Variants in PPP1R9A observed in about 807,000 individuals in gnomAD.
The protein encoded by PPP1R9A is neurabin-1.
In PPP1R9A, 59 loss-of-function variants were observed where a neutral mutation model predicts 141.9. That is an observed-to-expected ratio of 0.42 (90% CI 0.34 to 0.52). The LOEUF is 0.52. PPP1R9A is among the 20% of genes least tolerant of loss of function. The pLI, the probability that PPP1R9A is intolerant of heterozygous loss-of-function variation, is 0.10. For missense variants in PPP1R9A, 1,444 were observed against 1,611.9 expected, an observed-to-expected ratio of 0.90 and a Z score of 1.78; for synonymous variants, 500 against 569.7, an observed-to-expected ratio of 0.88 and a Z score of 1.74.
In PPP1R9A at chr7:95,269,143, G is replaced by T. The variant is rs1174739998; in HGVS notation, c.2824-64G>T. On this transcript the variant is annotated intron_variant, in intron 13 of 19. Coordinates refer to ENST00000433360, the MANE Select transcript of PPP1R9A (RefSeq NM_001166160.2). ...AATAAAAGGTTGGTCTTATTTCAAA[G>T]TAAGTATTGCATAGAACTGATACTC... The T allele has an allele frequency of 5.7e-6, 8 of 1,413,422 alleles. No individual in the cohort carries two copies. In the African/African-American group the frequency reaches 1.2e-4, roughly 21 times the overall value. The allele number at this position is 1,413,422 out of a possible 1,614,324, so 87.6% of individuals were successfully genotyped here. A position where few individuals can be genotyped will look rare whatever the true frequency, so the allele number is the denominator to read the frequency against.
At chr7:94,924,631 C>T (rs960965229) in intron 2 of PPP1R9A, among the ~76,000 whole-genome samples, 10 of 152,132 alleles carry the variant, frequency 6.6e-5, no homozygotes, top group African/African-American at 2.4e-4. Flanking sequence ...CGAGTTCAAG[C>T]GATTCTCCCA....
At chr7:94,994,881 A>T (rs115720223) in intron 2 of PPP1R9A, among the ~76,000 whole-genome samples, 1,669 of 147,424 alleles carry the variant, frequency 0.011, 33 homozygotes, top group African/African-American at 0.04. Flanking sequence ...ACCAAACGAG[A>T]CTCCGTCTCA....
At chr7:95,219,682 T>C (rs553147463) in intron 7 of PPP1R9A, among the ~76,000 whole-genome samples, 37 of 152,250 alleles carry the variant, frequency 2.4e-4, no homozygotes, top group African/African-American at 8.7e-4. Flanking sequence ...AAAATAAATA[T>C]ATATGCTGGG....
intron 7 of PPP1R9A, among the ~76,000 whole-genome samples, chr7:95,212,150 G>T (rs1792268989): frequency 6.6e-6 from 1 of 152,048 alleles, no homozygotes. Context: ...ATCAGAATCT[G>T]CAGTTTAATA....
Position 95,276,663 on chromosome 7 carries a change from A to T in PPP1R9A, c.3296+2495A>T, listed in dbSNP as rs187617602. Among the ~76,000 whole-genome samples the T allele has an allele frequency of 1.3e-3, 191 of 152,324 alleles. 1 individual carries two copies. The highest frequency in any genetic ancestry group is 2.5e-3 in the Non-Finnish European group (168 of 68,040). ...ATGGCCTCCCTCAAACCTTGTTATG[A>T]CATTGGCATACCCAAAAAAAATAAA... On this transcript the variant is annotated intron_variant, in intron 16 of 19. Transcript: ENST00000433360.
Position 95,039,902 on chromosome 7 carries a change from C to G in PPP1R9A, c.1396-71357C>G, listed in dbSNP as rs74775659. Among the ~76,000 whole-genome samples the G allele has an allele frequency of 3.8e-3, 579 of 152,212 alleles. 2 individuals are homozygous for G. Among genetic ancestry groups the G allele is most frequent in the Non-Finnish European group, 6.1e-3 (413 of 68,004 alleles). Reference sequence around the variant, plus strand: ...AATGACAGATAGAAACCCACAAACACAGGAAGCTCAGAGAATACCAGGTAG... The same window carrying G: ...AATGACAGATAGAAACCCACAAACAGAGGAAGCTCAGAGAATACCAGGTAG... On this transcript the variant is annotated intron_variant, in intron 2 of 19. Transcript: ENST00000433360.
chr7:95,032,881 T>C (rs1233686078), intron 2 of PPP1R9A, among the ~76,000 whole-genome samples: 1 of 152,184 alleles, frequency 6.6e-6, no homozygotes, highest in Non-Finnish European at 1.5e-5. Context: ...ACCTCAGAAG[T>C]CTCTAATTCT....
chr7:95,123,084 TTAG>T (rs751945541), intron 4 of PPP1R9A, among the ~76,000 whole-genome samples: 1 of 152,156 alleles, frequency 6.6e-6, no homozygotes, highest in Non-Finnish European at 1.5e-5. Flanking sequence ...AATTTTGCAT[TTAG>T]TAGTTAACCA....
chr7:95,256,769 C>T (rs892456783), intron 12 of PPP1R9A, among the ~76,000 whole-genome samples: 1 of 151,924 alleles, frequency 6.6e-6, no homozygotes, highest in Non-Finnish European at 1.5e-5. Context: ...TAAGAATTAA[C>T]AGGGTAGATG....
chr7:95,225,333 T>G (rs1181037723), intron 7 of PPP1R9A, among the ~76,000 whole-genome samples: 1 of 152,140 alleles, frequency 6.6e-6, no homozygotes, highest in Admixed American at 6.6e-5. Flanking sequence ...ATGTGAAACA[T>G]TTTTCTCACA....
At position 95,296,377 on chromosome 7, in the gene PPP1R9A, G is replaced by A. The variant is rs1431961316; in HGVS notation, c.*6074G>A. The A allele has an allele frequency of 1.3e-5, 2 of 152,504 alleles. No homozygotes were observed. Among genetic ancestry groups the A allele is most frequent in the African/African-American group, 4.8e-5 (2 of 41,418 alleles). The allele number at this position is 152,504 out of a possible 1,614,324, so 9.4% of individuals were successfully genotyped here. ...ATGAGTATTATTGTTGTTAGACAAC[G>A]AATGCAATAAAAAGAAATACTGAGG... On this transcript the variant is annotated 3_prime_UTR_variant, in exon 20 of 20. Coordinates refer to ENST00000433360, the MANE Select transcript of PPP1R9A (RefSeq NM_001166160.2).
At chr7:95,159,995 A>G (rs971834301) in intron 4 of PPP1R9A, among the ~76,000 whole-genome samples, 12 of 151,638 alleles carry the variant, frequency 7.9e-5, no homozygotes, top group Admixed American at 2.0e-4. Flanking sequence ...CTAGGATTTT[A>G]TAAAGGTGAG....
chr7:95,267,953 T>G (rs1412896738), intron 12 of PPP1R9A, among the ~76,000 whole-genome samples: 1 of 152,168 alleles, frequency 6.6e-6, no homozygotes, highest in East Asian at 1.9e-4. Flanking sequence ...CTATCGTCAA[T>G]TTGCTGATTA....
intron 2 of PPP1R9A, among the ~76,000 whole-genome samples, chr7:95,104,560 A>G (rs1819249107): frequency 6.6e-6 from 1 of 152,128 alleles, no homozygotes. Flanking sequence ...TTTGGAGACT[A>G]CCAGTGTTTA....
At chr7:95,080,636 A>G (rs184404019) in intron 2 of PPP1R9A, among the ~76,000 whole-genome samples, 41 of 152,340 alleles carry the variant, frequency 2.7e-4, no homozygotes, top group Non-Finnish European at 4.7e-4. Flanking sequence ...CGCCAAGTCA[A>G]TCCTAAGCCA....
intron 16 of PPP1R9A, among the ~76,000 whole-genome samples, chr7:95,278,230 T>C (rs1355089227): frequency 6.6e-6 from 1 of 152,206 alleles, no homozygotes; most frequent in African/African-American, 2.4e-5. Flanking sequence ...CTGCGTACAC[T>C]GTCCAGTATG....
At chr7:95,122,616 C>G (rs555070181) in intron 4 of PPP1R9A, among the ~76,000 whole-genome samples, 21 of 152,278 alleles carry the variant, frequency 1.4e-4, no homozygotes, top group African/African-American at 5.1e-4. Flanking sequence ...TAGCACTTAG[C>G]ATAATGCTTT....
intron 7 of PPP1R9A, among the ~76,000 whole-genome samples, chr7:95,207,946 A>G (rs1452243854): frequency 6.6e-6 from 1 of 152,226 alleles, no homozygotes; most frequent in Non-Finnish European, 1.5e-5. Context: ...AAGAAAGTGT[A>G]TAAAATAGGA....
chr7:95,140,341 T>C (rs1002240413), intron 4 of PPP1R9A, among the ~76,000 whole-genome samples: 7 of 152,206 alleles, frequency 4.6e-5, no homozygotes, highest in African/African-American at 1.4e-4. Context: ...GAATTTTTAA[T>C]CCACTATAAT....
Sources: allele counts gnomAD v4.1 joint callset (sites outside exome capture counted in the v4.1 genomes callset), GRCh38; gene constraint gnomAD v4.1.1; transcripts MANE v1.5; gene names NCBI Gene and HGNC (gene_info 2026-07-23, HGNC 2026-07-21).